The following NAALADL2 variants were observed in gnomAD, a reference collection of about 807,000 sequenced individuals.
The protein encoded by NAALADL2 is inactive N-acetylated-alpha-linked acidic dipeptidase-like protein 2.
In NAALADL2, 76 loss-of-function variants were observed where a neutral mutation model predicts 87.2. That is an observed-to-expected ratio of 0.87 (90% CI 0.72 to 1.05). The LOEUF (loss-of-function observed/expected upper bound fraction) is 1.05, where lower values mean the gene tolerates loss of function less well. NAALADL2 is among the 50% of genes least tolerant of loss of function. NAALADL2 has a pLI of 0.00. For missense variants in NAALADL2, 1,089 were observed against 945.8 expected, an observed-to-expected ratio of 1.15 and a Z score of -1.99; for synonymous variants, 354 against 331.0, an observed-to-expected ratio of 1.07 and a Z score of -0.75.
At chr3:175,268,386 C>A (rs1049742779) in intron 4 of NAALADL2, among the ~76,000 whole-genome samples, 2 of 152,094 alleles carry the variant, frequency 1.3e-5, no homozygotes, top group Admixed American at 1.3e-4. Flanking sequence ...GTAGAGCTTG[C>A]AGGACTGGAA....
At chr3:175,412,258 T>C (rs1401474891) in intron 5 of NAALADL2, among the ~76,000 whole-genome samples, 1 of 152,234 alleles carries the variant, frequency 6.6e-6, no homozygotes, top group East Asian at 1.9e-4. Context: ...AGATTATGTA[T>C]GTGCACGTGC....
At chr3:174,848,738 G>A (rs910390214) in intron 3 of NAALADL2, among the ~76,000 whole-genome samples, 5 of 152,060 alleles carry the variant, frequency 3.3e-5, no homozygotes, top group Non-Finnish European at 7.4e-5. Context: ...CTTAATAATG[G>A]GGATACATTC....
intron 2 of NAALADL2, among the ~76,000 whole-genome samples, chr3:174,567,887 A>G (rs1020831327): frequency 7.3e-5 from 11 of 151,720 alleles, no homozygotes; most frequent in African/African-American, 1.9e-4. Flanking sequence ...TATCTTTTGA[A>G]TGTTTTCATT....
intron 1 of NAALADL2, among the ~76,000 whole-genome samples, chr3:175,038,343 A>G (rs1753664039): frequency 6.6e-6 from 1 of 152,182 alleles, no homozygotes; most frequent in Admixed American, 6.5e-5. Flanking sequence ...GAAAAAAATG[A>G]ATTTACTGAC....
chr3:174,550,854 A>G (rs1308581630), intron 2 of NAALADL2: 4 of 152,012 alleles, frequency 2.6e-5, no homozygotes, highest in East Asian at 3.9e-4. Flanking sequence ...ATTTTATAGC[A>G]TTTTAAATAA....
rs57990259 is a variant in NAALADL2, at chr3:175,441,671, T to TCACACA, written c.1091-5528_1091-5523dup. Among the ~76,000 whole-genome samples, 583 of 148,754 alleles carry TCACACA rather than the reference T, an allele frequency of 3.9e-3. 2 individuals are homozygous for TCACACA. Among genetic ancestry groups the TCACACA allele is most frequent in the African/African-American group, 0.013 (524 of 40,422 alleles). On this transcript the variant is annotated intron_variant, in intron 5 of 13. Coordinates refer to ENST00000454872, the MANE Select transcript of NAALADL2 (RefSeq NM_207015.3). ...TGAGTGAGTAGCAAGGATCTCATGTTCACACACACACACACACACACACAC... is the reference window on the plus strand; with the variant it reads ...TGAGTGAGTAGCAAGGATCTCATGTTCACACACACACACACACACACACACACACAC...
intron 3 of NAALADL2, among the ~76,000 whole-genome samples, chr3:174,797,305 C>CTTTTTTTTTTTTT (rs1160338109): frequency 1.5e-4 from 11 of 72,720 alleles, no homozygotes; most frequent in African/African-American, 4.2e-4. Context: ...TTTCTTTTTT[C>CTTTTTTTTTTTTT]TTTTTTTTTT....
chr3:174,893,017 A>G (rs995749233), intron 1 of NAALADL2, among the ~76,000 whole-genome samples: 5 of 152,098 alleles, frequency 3.3e-5, no homozygotes, highest in Admixed American at 6.6e-5. Context: ...TCACACTCTC[A>G]AAGGTCAAGG....
intron 2 of NAALADL2, among the ~76,000 whole-genome samples, chr3:175,180,950 C>T (rs1052701744): frequency 6.6e-6 from 1 of 151,966 alleles, no homozygotes; most frequent in South Asian, 2.1e-4. Context: ...TGATTTCAGA[C>T]CATTGAGCTC....
At chr3:175,632,266 TTCTCTCTCTCTCTCTCTCTCTCTC>T (rs61458338) in intron 11 of NAALADL2, among the ~76,000 whole-genome samples, 10 of 129,468 alleles carry the variant, frequency 7.7e-5, no homozygotes, top group Admixed American at 3.2e-4. Context: ...CACTTTCCCC[TTCTCTCTCTCTCTCTCTCTCTCTC>T]TCTCTCTCTC....
rs986436478 is a variant in NAALADL2, at chr3:175,192,017, G to A, written c.546-41914G>A. On this transcript the variant is annotated intron_variant, in intron 2 of 13. Coordinates refer to ENST00000454872, the MANE Select transcript of NAALADL2 (RefSeq NM_207015.3). Reference sequence around the variant, plus strand: ...TCCATTCTAAAAATAAAGCCTGAAAGTGGCAGTTAGCTATATAATTGATTA... The same window carrying A: ...TCCATTCTAAAAATAAAGCCTGAAAATGGCAGTTAGCTATATAATTGATTA... Among the ~76,000 whole-genome samples the A allele has an allele frequency of 2.6e-5, 4 of 152,246 alleles. No homozygotes were observed. The East Asian group carries it at 5.8e-4, about 22-fold the overall frequency.
intron 9 of NAALADL2, among the ~76,000 whole-genome samples, chr3:175,510,971 G>T (rs1033733596): frequency 1.3e-5 from 2 of 152,138 alleles, no homozygotes; most frequent in Non-Finnish European, 2.9e-5. Flanking sequence ...TGGTGATGAT[G>T]TTATCGGTCC....
chr3:174,748,826 C>T (rs1012376394), intron 3 of NAALADL2, among the ~76,000 whole-genome samples: 2 of 152,144 alleles, frequency 1.3e-5, no homozygotes, highest in African/African-American at 4.8e-5. Flanking sequence ...AATAAGCCAA[C>T]ACATCTATTA....
intron 3 of NAALADL2, among the ~76,000 whole-genome samples, chr3:174,765,073 C>G (rs962640252): frequency 2.0e-5 from 3 of 150,226 alleles, no homozygotes; most frequent in African/African-American, 7.3e-5. Flanking sequence ...AAAAGTCAAC[C>G]AAGTGATTTC....
At chr3:175,110,920 T>C (rs1429620884) in intron 2 of NAALADL2, among the ~76,000 whole-genome samples, 1 of 151,794 alleles carries the variant, frequency 6.6e-6, no homozygotes, top group Non-Finnish European at 1.5e-5. Flanking sequence ...GTTTTTATTT[T>C]TTCTGCCTGA....
chr3:174,835,122 G>A lies in NAALADL2; in HGVS notation c.-9+97376G>A, dbSNP rs192391229. 5.4e-3 allele frequency among the ~76,000 whole-genome samples: 825 copies of A among 152,010 alleles called. 6 individuals carry two copies. Among genetic ancestry groups the A allele is most frequent in the Non-Finnish European group, 8.0e-3 (546 of 67,850 alleles). ...GGACCCATGGAACAAATTAGAAAGC[G>A]CAGAAATAAATGTACACATATATAG... On this transcript the variant is annotated intron_variant, in intron 3 of 3. Coordinates refer to the NAALADL2 transcript ENST00000434257.
intron 13 of NAALADL2, among the ~76,000 whole-genome samples, chr3:175,767,266 A>G (rs1271151422): frequency 6.6e-6 from 1 of 152,166 alleles, no homozygotes; most frequent in African/African-American, 2.4e-5. Flanking sequence ...TCAAGTTGGA[A>G]GTTTATAAGG....
intron 1 of NAALADL2, among the ~76,000 whole-genome samples, chr3:174,967,280 G>T (rs1399837852): frequency 6.7e-6 from 1 of 150,276 alleles, no homozygotes; most frequent in Non-Finnish European, 1.5e-5. Flanking sequence ...CATAAATGAA[G>T]TAAGATTAAG....
At chr3:174,856,560 T>C (rs1725884389), upstream of NAALADL2, among the ~76,000 whole-genome samples, 1 of 152,172 alleles carries the variant, frequency 6.6e-6, no homozygotes, top group East Asian at 1.9e-4. Context: ...ATCTCAGTTA[T>C]CAGAAGGACT....
Sources: allele counts gnomAD v4.1 joint callset (sites outside exome capture counted in the v4.1 genomes callset), GRCh38; gene constraint gnomAD v4.1.1; transcripts MANE v1.5; gene names NCBI Gene and HGNC (gene_info 2026-07-23, HGNC 2026-07-21).